Variants in KIF17 observed in about 807,000 individuals in gnomAD.
KIF17 encodes kinesin family member 17.
Under a neutral mutation model 96.8 loss-of-function variants are expected in KIF17, and 80 were observed. The ratio of observed to expected loss-of-function variants is 0.83; its 90% CI spans 0.69 to 1.00. The LOEUF is 1.00. Ranked by LOEUF, KIF17 falls within the 50% of genes least tolerant of loss-of-function variation. The pLI is 0.00. For synonymous variants in KIF17, 567 were observed against 587.5 expected (o/e 0.97, Z 0.51); for missense variants, 1,280 against 1,372.9 (o/e 0.93, Z 1.07).
Position 20,709,918 on chromosome 1 carries a change from TC to T in KIF17, c.481-91del. On this transcript the variant is annotated intron_variant, in intron 3 of 14. Coordinates refer to ENST00000400463, the MANE Select transcript of KIF17 (RefSeq NM_001122819.3). The surrounding 1 kb of genome is among the most constrained non-coding windows in gnomAD (Gnocchi z 4.7). ...CAAGGAACCAGAGAGAAGGGCCCCA[TC>T]CAGACCGCCCTCGCCCTCCTGTAAT... 2 of 1,253,410 alleles carry T rather than the reference TC, an allele frequency of 1.6e-6. No homozygotes were observed. Among genetic ancestry groups the T allele is most frequent in the Non-Finnish European group, 2.3e-6 (2 of 879,276 alleles). 77.6% of individuals were successfully genotyped at this position (1,253,410 alleles called of 1,614,324 possible).
In KIF17 at chr1:20,664,676, G is replaced by T. The variant is rs1161395137; in HGVS notation, c.2995C>A (p.Pro999Thr). 1.1e-5 allele frequency: 17 copies of T among 1,613,110 alleles called. No homozygotes were observed. The highest frequency in any genetic ancestry group is 1.4e-5 in the Non-Finnish European group (17 of 1,179,808). The change falls in exon 15 of 15, where the codon CCC becomes ACC. Residue 999 changes from proline to threonine, a missense_variant. Coordinates refer to ENST00000400463, the MANE Select transcript of KIF17 (RefSeq NM_001122819.3). ...PPTQAPEMPQ[P>T]RPFRLESLDI... The stretch of plus-strand genomic sequence containing the variant: ...AGGGACTCGAGGCGGAAGGGCCGGG[G>T]CTGGGGCATTTCAGGGGCCTGGGTG...
intron 6 of KIF17, among the ~76,000 whole-genome samples, chr1:20,698,023 C>G (rs1258650827): frequency 6.6e-6 from 1 of 152,224 alleles, no homozygotes; most frequent in Non-Finnish European, 1.5e-5. Context: ...AGGCCATTTC[C>G]ACAGCCAGGG....
At chr1:20,681,763 T>C (rs1382035175) in intron 11 of KIF17, among the ~76,000 whole-genome samples, 1 of 152,108 alleles carries the variant, frequency 6.6e-6, no homozygotes, top group African/African-American at 2.4e-5. Context: ...TGCTTCAGGC[T>C]CCATCCCAAT....
In KIF17 at chr1:20,682,796, C is replaced by T. The variant is rs777878864; in HGVS notation, c.2320G>A (p.Ala774Thr). The change falls in exon 11 of 15, where the codon GCA (alanine) becomes ACA (threonine). Residue 774 changes from alanine (A) to threonine (T), a missense_variant. Coordinates refer to ENST00000400463, the MANE Select transcript of KIF17 (RefSeq NM_001122819.3). ...KEKHKRRKRYADERRKQLVAA... is the reference protein window; with the variant it reads ...KEKHKRRKRYTDERRKQLVAA... ...ACCAGCTGCTTCCTGCGCTCGTCTG[C>T]GTAGCGCTTGCGCCGCTTGTGCTTC... 4.9e-5 allele frequency: 79 copies of T among 1,612,642 alleles called. No individual in the cohort carries two copies. The highest frequency in any genetic ancestry group is 3.3e-4 in the Middle Eastern group (2 of 6,084).
chr1:20,697,941 C>T (rs2054170284), intron 6 of KIF17, among the ~76,000 whole-genome samples: 2 of 152,212 alleles, frequency 1.3e-5, no homozygotes, highest in Non-Finnish European at 2.9e-5. Context: ...AAACGGGCTG[C>T]CTGGCTCTCA....
chr1:20,690,062 C>T (rs554715217), intron 7 of KIF17, 126 bp downstream of exon 7: 2 of 1,005,364 alleles, frequency 2.0e-6, no homozygotes, highest in South Asian at 1.4e-5. Context: ...CCTTACTGGA[C>T]CATTGTGAGG....
Position 20,664,426 on chromosome 1 carries a change from T to G in KIF17, c.*158A>C, listed in dbSNP as rs1201927092. ...CTGCCCAGGGCGGAGGTGGGCTCTC[T>G]GGGGAACAGGGAAGGGAATGTGTCT... is the stretch of plus-strand genomic sequence containing the variant. On this transcript the variant is annotated 3_prime_UTR_variant, in exon 15 of 15. Transcript: ENST00000400463. 6.5e-7 allele frequency: 1 copy of G among 1,537,168 alleles called. No individual in the cohort carries two copies. Among genetic ancestry groups the G allele is most frequent in the Non-Finnish European group, 8.7e-7 (1 of 1,145,020 alleles).
At chr1:20,705,131 C>T (rs1022199479) in intron 4 of KIF17, among the ~76,000 whole-genome samples, 2 of 152,312 alleles carry the variant, frequency 1.3e-5, no homozygotes, top group Middle Eastern at 3.4e-3. Context: ...GAGCTATAGC[C>T]ACCATCAGAA....
At chr1:20,693,263 T>TC (rs71010595) in intron 6 of KIF17, 1 of 148,692 alleles carries the variant, frequency 6.7e-6, no homozygotes, top group East Asian at 2.0e-4. Context: ...TTTTTTTTTT[T>TC]AGACAAGGTG....
intron 4 of KIF17, among the ~76,000 whole-genome samples, chr1:20,706,033 C>T (rs914618162): frequency 2.0e-5 from 3 of 151,052 alleles, no homozygotes; most frequent in Admixed American, 1.3e-4. Flanking sequence ...TTCAGTCTCC[C>T]GAGTAGCTGG....
Position 20,717,777 on chromosome 1 carries a change from C to T in KIF17, c.-71G>A. 1 of 1,447,566 alleles carries T rather than the reference C, an allele frequency of 6.9e-7. No homozygotes were observed. The highest frequency in any genetic ancestry group is 9.0e-7 in the Non-Finnish European group (1 of 1,108,618). The allele number at this position is 1,447,566 out of a possible 1,614,324, so 89.7% of individuals were successfully genotyped here. A position where few individuals can be genotyped will look rare whatever the true frequency, so the allele number is the denominator to read the frequency against. ...GCCGGGGACTCCCAGCAGCCCGGGC[C>T]AAGGGGCGGGGCCAGCGCCGGCCAC... On this transcript the variant is annotated 5_prime_UTR_variant, in exon 1 of 15. Transcript: ENST00000400463.
rs1288016031 is a variant in KIF17, at chr1:20,715,542, T to A, written c.329A>T (p.Gln110Leu). The change falls in exon 2 of 15, where the codon CAG becomes CTG. Residue 110 changes from glutamine (Q) to leucine (L), a missense_variant. Gln to Leu is a moderately radical substitution (Grantham distance 113, BLOSUM62 -2). Transcript: ENST00000400463. The part of the protein sequence containing the change: ...TMQGLPDPPS[Q>L]RGIIPRAFEH... ...GAAGGCCCTGGGGATGATGCCTCTC[T>A]GGGAGGGCGGATCCGGCAGGCCCTG... The A allele has an allele frequency of 6.2e-7, 1 of 1,613,680 alleles. No homozygotes were observed. The highest frequency in any genetic ancestry group is 1.1e-5 in the South Asian group (1 of 91,086).
At chr1:20,683,095 A>G (rs897837087) in intron 10 of KIF17, among the ~76,000 whole-genome samples, 3 of 152,132 alleles carry the variant, frequency 2.0e-5, no homozygotes, top group African/African-American at 4.8e-5. Flanking sequence ...GCACTTGACC[A>G]CAGTGGCAGG....
chr1:20,670,302 T>G, intron 13 of KIF17, 119 bp downstream of exon 13: 1 of 1,014,634 alleles, frequency 9.9e-7, no homozygotes, highest in East Asian at 2.4e-5. Flanking sequence ...GGCCCCTTCT[T>G]TAATCCTTAG....
chr1:20,670,659 C>T (rs953381645), intron 12 of KIF17, among the ~76,000 whole-genome samples, 171 bp from the exon 13 acceptor site: 1 of 152,120 alleles, frequency 6.6e-6, no homozygotes, highest in Non-Finnish European at 1.5e-5. Context: ...GGCTCAGGCA[C>T]CAGAGAAGAC....
At position 20,685,861 on chromosome 1, in the gene KIF17, A is replaced by AGAT. The variant is rs1348695645; in HGVS notation, c.2019+182_2019+184dup. Among the ~76,000 whole-genome samples, 1 of 152,236 alleles carries AGAT rather than the reference A, an allele frequency of 6.6e-6. No homozygotes were observed. Among genetic ancestry groups the AGAT allele is most frequent in the African/African-American group, 2.4e-5 (1 of 41,472 alleles). ...AGGCCACTTTCACTCCATAAGAAGA[A>AGAT]GATGATGGTTCCTCCCACTGCACAC... On this transcript the variant is annotated intron_variant, in intron 9 of 14. Transcript: ENST00000400463. This position sits in a 1 kb window ranked among gnomAD's most constrained non-coding sequence, Gnocchi z 4.1.
chr1:20,715,682 C>T, intron 1 of KIF17, 43 bp from the exon 2 acceptor site: 1 of 1,612,740 alleles, frequency 6.2e-7, no homozygotes, highest in Non-Finnish European at 8.5e-7. Context: ...GTGGAGCAGG[C>T]ACAGCAGGGC....
rs899648463 is a variant in KIF17 at position 20,685,551 on chromosome 1, G to A, written c.2019+495C>T. ...ACCCCAGAGTCACTTCCTAGCCAGG[G>A]CTGCCCCGGCTGCTCCATCTACGCC... On this transcript the variant is annotated intron_variant, in intron 9 of 14. Coordinates refer to ENST00000400463, the MANE Select transcript of KIF17 (RefSeq NM_001122819.3). The surrounding 1 kb of genome is among the most constrained non-coding windows in gnomAD (Gnocchi z 4.1). Among the ~76,000 whole-genome samples the A allele has an allele frequency of 1.3e-5, 2 of 152,066 alleles. No individual in the cohort carries two copies. Among genetic ancestry groups the A allele is most frequent in the African/African-American group, 4.8e-5 (2 of 41,488 alleles).
At chr1:20,690,070 A>G in intron 7 of KIF17, 118 bp downstream of exon 7, 1 of 1,085,934 alleles carries the variant, frequency 9.2e-7, no homozygotes, top group Non-Finnish European at 1.4e-6. Flanking sequence ...GACCATTGTG[A>G]GGATAAAACA....
Sources: gnomAD v4.1 joint callset for allele counts (sites outside exome capture counted in the v4.1 genomes callset) on GRCh38, gnomAD v4.1.1 for gene constraint, Gnocchi (gnomAD v3.1) non-coding constraint, MANE v1.5 for transcripts, NCBI Gene and HGNC (gene_info 2026-07-23, HGNC 2026-07-21) for gene names.